Variants in CALN1 observed in about 807,000 individuals in gnomAD.
CALN1 encodes calneuron 1, also known as calcium-binding protein 8.
Under a neutral mutation model 30.6 loss-of-function variants are expected in CALN1, and 17 were observed. That is an observed-to-expected ratio of 0.56 (90% CI 0.38 to 0.83). The LOEUF (loss-of-function observed/expected upper bound fraction) is 0.83, where lower values mean the gene tolerates loss of function less well. CALN1 is among the 40% of genes least tolerant of loss of function. The pLI is 0.00. For synonymous variants in CALN1, 156 were observed against 131.4 expected, an observed-to-expected ratio of 1.19 and a Z score of -1.28; for missense variants, 291 against 354.9, an observed-to-expected ratio of 0.82 and a Z score of 1.45.
intron 3 of CALN1, among the ~76,000 whole-genome samples, chr7:72,226,337 G>A (rs1793677445): frequency 6.6e-6 from 1 of 150,958 alleles, no homozygotes; most frequent in Non-Finnish European, 1.5e-5. Context: ...TTCCCCAACT[G>A]CAAAATGAGG....
At chr7:72,285,107 T>C (rs1238131870) in intron 2 of CALN1, among the ~76,000 whole-genome samples, 2 of 152,180 alleles carry the variant, frequency 1.3e-5, no homozygotes, top group African/African-American at 2.4e-5. Flanking sequence ...GTGAGATAAG[T>C]AAAAGAACTG....
chr7:71,988,865 C>T (rs1798811082), intron 5 of CALN1, among the ~76,000 whole-genome samples: 1 of 152,130 alleles, frequency 6.6e-6, no homozygotes, highest in African/African-American at 2.4e-5. Flanking sequence ...ATTTCATCCT[C>T]ACAATGACCT....
At chr7:71,850,875 G>GAT (rs33931611) in intron 5 of CALN1, among the ~76,000 whole-genome samples, 85,899 of 151,834 alleles carry the variant, frequency 0.57, 26,164 homozygotes, top group East Asian at 0.86. Context: ...ATACATATTT[G>GAT]AAATGAATGA....
At chr7:72,185,938 GGTGT>G (rs764771164) in intron 3 of CALN1, among the ~76,000 whole-genome samples, 9 of 152,118 alleles carry the variant, frequency 5.9e-5, no homozygotes, top group Non-Finnish European at 1.3e-4. Flanking sequence ...CCCAGTCTCA[GGTGT>G]GTCTTTATCA....
At chr7:72,194,993 T>A (rs1790889234) in intron 3 of CALN1, among the ~76,000 whole-genome samples, 1 of 152,184 alleles carries the variant, frequency 6.6e-6, no homozygotes, top group Non-Finnish European at 1.5e-5. Flanking sequence ...AGACACTTTA[T>A]GGCCTGACCC....
intron 2 of CALN1, among the ~76,000 whole-genome samples, chr7:72,348,592 G>A (rs1328669772): frequency 6.6e-6 from 1 of 152,220 alleles, no homozygotes. Flanking sequence ...TTGTTAAGTC[G>A]AACAATTTCT....
chr7:72,336,792 C>T (rs970479975), intron 2 of CALN1: 1 of 985,096 alleles, frequency 1.0e-6, no homozygotes, highest in African/African-American at 1.7e-5. Context: ...AGGGAGGGGG[C>T]GGTGCGGAAT....
At chr7:72,212,997 A>T (rs1792521435) in intron 3 of CALN1, among the ~76,000 whole-genome samples, 1 of 152,082 alleles carries the variant, frequency 6.6e-6, no homozygotes. Context: ...AGAAAGCCTC[A>T]CTCTCAGGAC....
intron 5 of CALN1, among the ~76,000 whole-genome samples, chr7:71,928,732 G>A (rs962205255): frequency 1.1e-4 from 16 of 151,836 alleles, no homozygotes; most frequent in African/African-American, 2.4e-4. Context: ...TTTTATCGCC[G>A]CAAAAAGAAA....
intron 2 of CALN1, among the ~76,000 whole-genome samples, chr7:72,388,967 C>T (rs1300527669): frequency 6.6e-6 from 1 of 152,144 alleles, no homozygotes; most frequent in African/African-American, 2.4e-5. Flanking sequence ...TCTATTTTGC[C>T]CTCTCTCTAG....
At chr7:71,948,148 T>C (rs950220560) in intron 5 of CALN1, among the ~76,000 whole-genome samples, 1 of 152,016 alleles carries the variant, frequency 6.6e-6, no homozygotes, top group East Asian at 1.9e-4. Flanking sequence ...AGGAAGATGT[T>C]TGTATTATGA....
At chr7:72,502,008 C>CATAT in the CALN1 span, among the ~76,000 whole-genome samples, 2 of 117,634 alleles carry the variant, frequency 1.7e-5, no homozygotes, top group South Asian at 2.5e-4. Flanking sequence ...TATATACACA[C>CATAT]ATATATATAT....
intron 6 of CALN1, among the ~76,000 whole-genome samples, chr7:71,806,527 G>A (rs1047950636): frequency 3.9e-5 from 6 of 152,088 alleles, no homozygotes; most frequent in South Asian, 2.1e-4. Flanking sequence ...GGCTGGTCTC[G>A]AACTCCTGAC....
At chr7:71,849,970 A>G (rs989190236) in intron 5 of CALN1, among the ~76,000 whole-genome samples, 2 of 152,206 alleles carry the variant, frequency 1.3e-5, no homozygotes, top group Admixed American at 1.3e-4. Flanking sequence ...GACAATGTCT[A>G]TTAAAGCTGA....
the CALN1 span, among the ~76,000 whole-genome samples, chr7:72,492,803 C>T: frequency 7.9e-5 from 12 of 152,334 alleles, no homozygotes; most frequent in South Asian, 1.7e-3. Context: ...CCGGAACAGT[C>T]GTGCTCCTGC....
At chr7:72,195,037 C>A (rs1483178024) in intron 3 of CALN1, among the ~76,000 whole-genome samples, 2 of 152,198 alleles carry the variant, frequency 1.3e-5, no homozygotes, top group African/African-American at 2.4e-5. Flanking sequence ...CCTTGCCTCT[C>A]GTCCCATCCT....
At chr7:71,877,428 G>A (rs1456544695) in intron 5 of CALN1, among the ~76,000 whole-genome samples, 5 of 151,968 alleles carry the variant, frequency 3.3e-5, no homozygotes, top group Admixed American at 3.3e-4. Context: ...AAATGTCACT[G>A]CAAAAAATTA....
At chr7:72,398,178 C>T (rs568441030) in intron 2 of CALN1, among the ~76,000 whole-genome samples, 1 of 152,324 alleles carries the variant, frequency 6.6e-6, no homozygotes, top group South Asian at 2.1e-4. Flanking sequence ...CAAGGAAGAG[C>T]AGCTCAGCGT....
At position 72,387,299 on chromosome 7, in the gene CALN1, AG is replaced by A. The variant is rs1195563422; in HGVS notation, c.119+15951del. ...AAGGGAGGGAGGGAGGGAGGGAGGG[AG>A]GGAGGGAGGCAGGCATCTCCCATAT... On this transcript the variant is annotated intron_variant, in intron 2 of 6. Transcript: ENST00000395275. Among the ~76,000 whole-genome samples the A allele has an allele frequency of 1.3e-4, 11 of 87,352 alleles. 1 individual carries two copies. Among genetic ancestry groups the A allele is most frequent in the African/African-American group, 5.1e-4 (11 of 21,510 alleles). 57.3% of individuals were successfully genotyped at this position (87,352 alleles called of 152,430 possible).
Sources: allele counts gnomAD v4.1 joint callset (sites outside exome capture counted in the v4.1 genomes callset), GRCh38; gene constraint gnomAD v4.1.1; transcripts MANE v1.5; gene names NCBI Gene and HGNC (gene_info 2026-07-23, HGNC 2026-07-21).